The following ZNF250 variants were observed in gnomAD, a reference collection of about 807,000 sequenced individuals.
The protein encoded by ZNF250 is zinc finger protein 250.
ZNF250 carries 13 observed loss-of-function variants against 37.1 expected under a neutral mutation model. The ratio of observed to expected loss-of-function variants is 0.35; its 90% confidence interval spans 0.23 to 0.56. The LOEUF is 0.56. Among genes scored for constraint, ZNF250 ranks in the 20% least tolerant of loss-of-function variants. ZNF250 has a pLI of 0.87. For missense variants in ZNF250, 474 were observed against 697.9 expected (o/e 0.68, Z 3.61); for synonymous variants, 251 against 265.6 (o/e 0.94, Z 0.54).
chr8:144,889,242 A>G (rs1026774158), intron 4 of ZNF250, among the ~76,000 whole-genome samples: 7 of 152,380 alleles, frequency 4.6e-5, no homozygotes, highest in African/African-American at 1.4e-4. Flanking sequence ...TTTCTAAATC[A>G]TCAGGTAACT....
rs1350989785 is a variant in ZNF250, at chr8:144,881,048, ATACTT to A, written c.*462_*466del. On this transcript the variant is annotated 3_prime_UTR_variant, in exon 6 of 6. Coordinates refer to ENST00000417550, the MANE Select transcript of ZNF250 (RefSeq NM_001109689.4). ...CTTTTTATATCACTTTATCCATACA[ATACTT>A]TAGTCTTTTAAGAGAATACTGAAAA... 7.4e-5 allele frequency: 12 copies of A among 162,592 alleles called. No individual in the cohort carries two copies. Among genetic ancestry groups the A allele is most frequent in the African/African-American group, 2.7e-4 (11 of 41,498 alleles). The allele number at this position is 162,592 out of a possible 1,614,324, so 10.1% of individuals were successfully genotyped here.
At position 144,880,322 on chromosome 8, in the gene ZNF250, ATT is replaced by A; in HGVS notation, c.*1191_*1192del. ...TCTACCAAAGAACAGTATTTTCAGC[ATT>A]GTTTTGGGGGAAATACCATAAGATG... On this transcript the variant is annotated 3_prime_UTR_variant, in exon 6 of 6. Transcript: ENST00000417550. 1.7e-5 allele frequency: 7 copies of A among 403,562 alleles called. No homozygotes were observed. The highest frequency in any genetic ancestry group is 3.6e-5 in the Non-Finnish European group (7 of 193,900). The allele number at this position is 403,562 out of a possible 1,614,324, so 25.0% of individuals were successfully genotyped here.
rs1017738519 is a variant in ZNF250, at chr8:144,878,794, A to G, written c.*2721T>C. The G allele has an allele frequency of 1.3e-5, 2 of 152,176 alleles. No individual in the cohort carries two copies. The highest frequency in any genetic ancestry group is 4.8e-5 in the African/African-American group (2 of 41,444). 9.4% of individuals were successfully genotyped at this position (152,176 alleles called of 1,614,324 possible). On this transcript the variant is annotated 3_prime_UTR_variant, in exon 6 of 6. Transcript: ENST00000417550. ...CTCAGCTTCTCTGAAGAATTACCTC[A>G]ATGATCTAATCTCTAAAGTAATACC...
At chr8:144,886,634 C>T (rs1831901656) in intron 5 of ZNF250, among the ~76,000 whole-genome samples, 1 of 152,168 alleles carries the variant, frequency 6.6e-6, no homozygotes, top group South Asian at 2.1e-4. Context: ...ACCCAGTAAT[C>T]TCTCTAGGCC....
Position 144,881,179 on chromosome 8 carries a change from A to G in ZNF250, c.*336T>C, listed in dbSNP as rs967994870. 2 of 204,904 alleles carry G rather than the reference A, an allele frequency of 9.8e-6. No homozygotes were observed. Among genetic ancestry groups the G allele is most frequent in the Non-Finnish European group, 2.0e-5 (2 of 101,228 alleles). The allele number at this position is 204,904 out of a possible 1,614,324, so 12.7% of individuals were successfully genotyped here. A position where few individuals can be genotyped will look rare whatever the true frequency, so the allele number is the denominator to read the frequency against. On this transcript the variant is annotated 3_prime_UTR_variant, in exon 6 of 6. Coordinates refer to ENST00000417550, the MANE Select transcript of ZNF250 (RefSeq NM_001109689.4). Reference sequence around the variant, plus strand: ...AGAAAAAGAACTTTATTTGGAATGTAAGATTTTATTGGGATAATGGTTCTT... The same window carrying G: ...AGAAAAAGAACTTTATTTGGAATGTGAGATTTTATTGGGATAATGGTTCTT...
Position 144,890,437 on chromosome 8 carries a change from G to A in ZNF250, c.-54-34C>T. Reference sequence around the variant, plus strand: ...GAGGAGGGGGCAAGTGAGGGGCATGGCCTTGAGACCGTAACTTCCTAGGGG... The same window carrying A: ...GAGGAGGGGGCAAGTGAGGGGCATGACCTTGAGACCGTAACTTCCTAGGGG... On this transcript the variant is annotated intron_variant, in intron 1 of 5. Coordinates refer to ENST00000417550, the MANE Select transcript of ZNF250 (RefSeq NM_001109689.4). The surrounding 1 kb of genome is among the most constrained non-coding windows in gnomAD (Gnocchi z 5.1). 2 of 1,320,228 alleles carry A rather than the reference G, an allele frequency of 1.5e-6. No homozygotes were observed. The highest frequency in any genetic ancestry group is 2.0e-6 in the Non-Finnish European group (2 of 1,003,294). The allele number at this position is 1,320,228 out of a possible 1,614,324, so 81.8% of individuals were successfully genotyped here.
chr8:144,882,978 C>G lies in ZNF250; in HGVS notation c.347-142G>C. On this transcript the variant is annotated intron_variant, in intron 5 of 5. Transcript: ENST00000417550. The surrounding 1 kb of genome is among the most constrained non-coding windows in gnomAD (Gnocchi z 5.5). ...GTGAGCTACAGAAGAACAGAACCAC[C>G]ATAACTGTGTCAAACAACTAGATAT... 1.1e-6 allele frequency: 1 copy of G among 913,960 alleles called. No homozygotes were observed. The highest frequency in any genetic ancestry group is 1.7e-6 in the Non-Finnish European group (1 of 597,332). 56.6% of individuals were successfully genotyped at this position (913,960 alleles called of 1,614,324 possible).
chr8:144,890,256 G>T lies in ZNF250; in HGVS notation c.42+52C>A. On this transcript the variant is annotated intron_variant, in intron 2 of 5. Transcript: ENST00000417550. This position sits in a 1 kb window ranked among gnomAD's most constrained non-coding sequence, Gnocchi z 5.1. ...TTAGGAGCTCTACGGGGCACGGAAG[G>T]AACCACAGGGCTCGGGCTGGGGGCA... 1 of 1,543,132 alleles carries T rather than the reference G, an allele frequency of 6.5e-7. No homozygotes were observed. Among genetic ancestry groups the T allele is most frequent in the Non-Finnish European group, 8.8e-7 (1 of 1,133,164 alleles).
chr8:144,897,259 T>C lies in ZNF250; in HGVS notation c.-55+4140A>G. Among the ~76,000 whole-genome samples, 1 of 152,184 alleles carries C rather than the reference T, an allele frequency of 6.6e-6. No individual in the cohort carries two copies. ...CCTGCTCCTCATCATCCTCACTCCC[T>C]GGACTTTCTGCTAACAAGCACTGCT... On this transcript the variant is annotated intron_variant, in intron 1 of 5. Transcript: ENST00000417550. This position sits in a 1 kb window ranked among gnomAD's most constrained non-coding sequence, Gnocchi z 5.2.
chr8:144,899,843 C>A (rs572881009), intron 1 of ZNF250, among the ~76,000 whole-genome samples: 1 of 152,244 alleles, frequency 6.6e-6, no homozygotes, highest in South Asian at 2.1e-4. Context: ...CCAGACGTAT[C>A]CAACATTTTA....
chr8:144,882,342 G>C lies in ZNF250; in HGVS notation c.841C>G (p.Leu281Val), dbSNP rs760749619. ...IHTGEKPHEC[L>V]ECRKAFTQLS... ...TGAGTGAAGGCTTTCCGACACTCAAGACATTCGTGAGGCTTCTCTCCTGTA... is the reference window on the plus strand; with the variant it reads ...TGAGTGAAGGCTTTCCGACACTCAACACATTCGTGAGGCTTCTCTCCTGTA... Residue 281 changes from leucine to valine, a missense_variant, in exon 6 of 6, where the codon CTT (leucine) becomes GTT (valine). Leu to Val is a conservative substitution (Grantham distance 32). Coordinates refer to ENST00000417550, the MANE Select transcript of ZNF250 (RefSeq NM_001109689.4). The surrounding 1 kb of genome is among the most constrained non-coding windows in gnomAD (Gnocchi z 5.5). The C allele has an allele frequency of 6.2e-7, 1 of 1,613,860 alleles. No individual in the cohort carries two copies. The highest frequency in any genetic ancestry group is 1.1e-5 in the South Asian group (1 of 91,056).
intron 1 of ZNF250, among the ~76,000 whole-genome samples, chr8:144,899,211 T>G (rs924520891): frequency 9.2e-5 from 14 of 151,956 alleles, no homozygotes; most frequent in African/African-American, 3.1e-4. Flanking sequence ...GAATGATGAT[T>G]ACCAGAGGAT....
intron 5 of ZNF250, among the ~76,000 whole-genome samples, chr8:144,886,128 G>A (rs1026026530): frequency 1.3e-5 from 2 of 151,578 alleles, no homozygotes; most frequent in South Asian, 2.1e-4. Flanking sequence ...CTGAATGGGC[G>A]GCTTCTGACC....
chr8:144,902,164 C>G (rs1330657370), upstream of ZNF250: 1 of 152,328 alleles, frequency 6.6e-6, no homozygotes, highest in African/African-American at 2.4e-5. Context: ...GTCGCCCACT[C>G]GGCCCTGGTG....
chr8:144,886,814 AT>A (rs1831913422), intron 5 of ZNF250, 25 bp downstream of exon 5: 2 of 1,604,916 alleles, frequency 1.2e-6, no homozygotes, highest in Middle Eastern at 1.7e-4. Flanking sequence ...ATTGTACTGA[AT>A]TAAAAAGATC....
intron 1 of ZNF250, among the ~76,000 whole-genome samples, chr8:144,893,529 C>T (rs1054092574): frequency 1.3e-5 from 2 of 152,114 alleles, no homozygotes; most frequent in Non-Finnish European, 2.9e-5. Context: ...CGGGGTTTCA[C>T]CATGTTGCCC....
At chr8:144,886,492 G>A (rs1324397965) in intron 5 of ZNF250, among the ~76,000 whole-genome samples, 1 of 152,212 alleles carries the variant, frequency 6.6e-6, no homozygotes, top group African/African-American at 2.4e-5. Context: ...CTGGACTTCA[G>A]CCAAGAGTCA....
At chr8:144,894,214 T>C (rs546365429) in intron 1 of ZNF250, among the ~76,000 whole-genome samples, 25 of 152,184 alleles carry the variant, frequency 1.6e-4, no homozygotes, top group African/African-American at 5.1e-4. Flanking sequence ...AACCTGACCA[T>C]GTTGCCCATC....
rs760354267 is a variant in ZNF250 at position 144,882,014 on chromosome 8, T to C, written c.1169A>G (p.Tyr390Cys). 8 of 1,614,164 alleles carry C rather than the reference T, an allele frequency of 5.0e-6. No homozygotes were observed. The highest frequency in any genetic ancestry group is 1.6e-4 in the Middle Eastern group (1 of 6,062). ...HHNVHTGEKP[Y>C]ECSECGKTFS... is the part of the protein sequence containing the mutation. The stretch of plus-strand genomic sequence containing the variant: ...GGTCTTCCCACACTCACTGCACTCA[T>C]AGGGCTTCTCCCCGGTGTGCACGTT... Residue 390 changes from tyrosine (Y) to cysteine (C), a missense_variant, in exon 6 of 6, where the codon TAT (tyrosine) becomes TGT (cysteine). This residue lies in a region of ZNF250 where 282 missense variants were observed against 470.4 expected (regional missense o/e 0.60). Coordinates refer to ENST00000417550, the MANE Select transcript of ZNF250 (RefSeq NM_001109689.4). The surrounding 1 kb of genome is among the most constrained non-coding windows in gnomAD (Gnocchi z 5.5).
Sources: gnomAD v4.1 joint callset for allele counts (sites outside exome capture counted in the v4.1 genomes callset) on GRCh38, gnomAD v4.1.1 for gene constraint, gnomAD v4.1.1 regional missense constraint, Gnocchi (gnomAD v3.1) non-coding constraint, MANE v1.5 for transcripts, NCBI Gene and HGNC (gene_info 2026-07-23, HGNC 2026-07-21) for gene names.